The following ANKDD1B variants were observed in gnomAD, a reference collection of about 807,000 sequenced individuals.
ANKDD1B encodes the protein ankyrin repeat and death domain containing 1B.
In ANKDD1B, 57 loss-of-function variants were observed where a neutral mutation model predicts 59.7. The ratio of observed to expected loss-of-function variants is 0.95; its 90% CI spans 0.77 to 1.19. The LOEUF is 1.19. ANKDD1B is among the 50% of genes most tolerant of loss of function. The pLI is 0.00. For synonymous variants in ANKDD1B, 216 were observed against 239.5 expected (o/e 0.90, Z 0.91); for missense variants, 602 against 641.9 (o/e 0.94, Z 0.67).
intron 8 of ANKDD1B, 80 bp downstream of exon 8, chr5:75,653,320 C>T (rs984299496): frequency 1.1e-5 from 10 of 927,194 alleles, no homozygotes; most frequent in African/African-American, 6.5e-5. Context: ...CTTGCAGATA[C>T]GTGTAGGAGA....
Position 75,625,955 on chromosome 5 carries a change from G to A in ANKDD1B, c.600G>A (p.Glu200=). Residue 200 remains glutamate, a splice_region_variant and synonymous_variant, in exon 5 of 14, where the codon GAG becomes GAA. Coordinates refer to ENST00000601380, the MANE Select transcript of ANKDD1B (RefSeq NM_001276713.2). The part of the protein sequence containing the change: ...LHLKDLNQPD[E]KGRKPFLLAA... Reference sequence around the variant, plus strand: ...TCAAGGACCTGAACCAGCCTGATGAGGTGTGTTCACTTTGGTTGTGTAGGT... The same window carrying A: ...TCAAGGACCTGAACCAGCCTGATGAAGTGTGTTCACTTTGGTTGTGTAGGT... 1.3e-6 allele frequency: 2 copies of A among 1,533,524 alleles called. No individual in the cohort carries two copies. Among genetic ancestry groups the A allele is most frequent in the Non-Finnish European group, 1.7e-6 (2 of 1,144,572 alleles). 95.0% of individuals were successfully genotyped at this position (1,533,524 alleles called of 1,614,324 possible).
chr5:75,668,104 C>T (rs1316528698), intron 12 of ANKDD1B, among the ~76,000 whole-genome samples: 1 of 152,090 alleles, frequency 6.6e-6, no homozygotes, highest in East Asian at 1.9e-4. Flanking sequence ...CTAACTTGAC[C>T]TAAAGAGATG....
chr5:75,653,183 T>C lies in ANKDD1B; in HGVS notation c.840T>C (p.His280=), dbSNP rs559620594. The C allele has an allele frequency of 2.0e-6, 3 of 1,536,150 alleles. No homozygotes were observed. Among genetic ancestry groups the C allele is most frequent in the African/African-American group, 2.7e-5 (2 of 73,182 alleles). The change falls in exon 8 of 14, where the codon CAT becomes CAC. Residue 280 remains histidine, a synonymous_variant. Transcript: ENST00000601380. ...TGCAGATAGCAACCAGGAACGGCCA[T>C]GCATCCCTTGTCAACTTTCTTCTCA... ...SSLQIATRNG[H]ASLVNFLLSE...
chr5:75,629,007 G>C (rs1774070660), intron 5 of ANKDD1B, among the ~76,000 whole-genome samples: 1 of 152,122 alleles, frequency 6.6e-6, no homozygotes, highest in African/African-American at 2.4e-5. Context: ...ATGTTGGGTT[G>C]GTTTCAGCTA....
intron 6 of ANKDD1B, 60 bp from the exon 7 acceptor site, chr5:75,635,724 A>G: frequency 9.0e-7 from 1 of 1,114,260 alleles, no homozygotes; most frequent in Admixed American, 2.1e-5. Context: ...AGCCCTTACT[A>G]TTGAAGGAGC....
chr5:75,661,258 A>G (rs530250266), intron 10 of ANKDD1B, among the ~76,000 whole-genome samples: 473 of 151,900 alleles, frequency 3.1e-3, no homozygotes, highest in African/African-American at 0.011. Flanking sequence ...TCAGCCGGGC[A>G]TGGTGATGCG....
intron 5 of ANKDD1B, among the ~76,000 whole-genome samples, chr5:75,629,368 A>G (rs1455933031): frequency 6.6e-6 from 1 of 151,910 alleles, no homozygotes; most frequent in East Asian, 1.9e-4. Flanking sequence ...GTGATGGGAA[A>G]TGTTGTAGGC....
At chr5:75,636,853 T>C (rs1023718952) in intron 7 of ANKDD1B, among the ~76,000 whole-genome samples, 1 of 151,602 alleles carries the variant, frequency 6.6e-6, no homozygotes, top group Non-Finnish European at 1.5e-5. Context: ...GGGAGTACAG[T>C]GGGGGAGCAG....
chr5:75,652,350 T>C (rs1161320748), intron 7 of ANKDD1B, among the ~76,000 whole-genome samples: 2 of 152,186 alleles, frequency 1.3e-5, no homozygotes, highest in Non-Finnish European at 2.9e-5. Context: ...GGGAGACACT[T>C]AGAAAAAAAC....
chr5:75,630,335 T>C (rs1292282893), intron 5 of ANKDD1B, among the ~76,000 whole-genome samples: 6 of 152,268 alleles, frequency 3.9e-5, no homozygotes, highest in African/African-American at 1.4e-4. Context: ...TAATCTCATC[T>C]TTATGCTACC....
intron 1 of ANKDD1B, among the ~76,000 whole-genome samples, chr5:75,615,892 C>G (rs1773704708): frequency 1.3e-5 from 2 of 152,038 alleles, no homozygotes; most frequent in Non-Finnish European, 2.9e-5. Flanking sequence ...ACAATATTTC[C>G]CAAGAAGATA....
chr5:75,635,061 G>T, intron 6 of ANKDD1B, 65 bp downstream of exon 6: 1 of 1,030,644 alleles, frequency 9.7e-7, no homozygotes, highest in Non-Finnish European at 1.4e-6. Flanking sequence ...GATGTAGAGG[G>T]GTAACAATTG....
chr5:75,659,743 A>G (rs1386076246), intron 10 of ANKDD1B, among the ~76,000 whole-genome samples: 37 of 152,184 alleles, frequency 2.4e-4, no homozygotes, highest in Admixed American at 2.4e-3. Flanking sequence ...ATTATTATAA[A>G]TTATTTCTGT....
At chr5:75,612,312 G>GCCCCCGCCCC (rs1165938491) in intron 1 of ANKDD1B, among the ~76,000 whole-genome samples, 1 of 59,786 alleles carries the variant, frequency 1.7e-5, no homozygotes, top group African/African-American at 1.1e-4. Flanking sequence ...ATTTAAGTCT[G>GCCCCCGCCCC]CCCCCGCCCC....
At position 75,642,405 on chromosome 5, in the gene ANKDD1B, C is replaced by T. The variant is rs1016366913; in HGVS notation, c.798+6523C>T. ...GTGTGTGCGCGCACCGTGCGCGAGC[C>T]GAAGCAGGGCGAGGCATTGCCTCAC... is the stretch of plus-strand genomic sequence containing the variant. On this transcript the variant is annotated intron_variant, in intron 7 of 13. Coordinates refer to ENST00000601380, the MANE Select transcript of ANKDD1B (RefSeq NM_001276713.2). Among the ~76,000 whole-genome samples the T allele has an allele frequency of 1.4e-4, 21 of 148,542 alleles. No individual in the cohort carries two copies. In the East Asian group the frequency reaches 3.6e-3, roughly 25 times the overall value.
chr5:75,611,652 C>A lies in ANKDD1B; in HGVS notation c.18C>A (p.Arg6=). MDPAG[R]ARGQGATAGG... ...AGGAGACTATGGACCCCGCCGGGCG[C>A]GCCCGGGGCCAAGGGGCCACGGCAG... Residue 6 remains arginine, a synonymous_variant, in exon 1 of 14, where the codon CGC becomes CGA. Coordinates refer to ENST00000601380, the MANE Select transcript of ANKDD1B (RefSeq NM_001276713.2). 1 of 1,231,348 alleles carries A rather than the reference C, an allele frequency of 8.1e-7. No homozygotes were observed. Among genetic ancestry groups the A allele is most frequent in the Non-Finnish European group, 1.0e-6 (1 of 987,802 alleles). The allele number at this position is 1,231,348 out of a possible 1,614,324, so 76.3% of individuals were successfully genotyped here.
intron 2 of ANKDD1B, among the ~76,000 whole-genome samples, chr5:75,619,364 T>C (rs777000648): frequency 2.0e-5 from 3 of 152,248 alleles, no homozygotes; most frequent in East Asian, 1.9e-4. Context: ...AAAACAATTA[T>C]ATAATCCTCA....
At chr5:75,628,142 C>G (rs1774041535) in intron 5 of ANKDD1B, among the ~76,000 whole-genome samples, 2 of 152,102 alleles carry the variant, frequency 1.3e-5, no homozygotes, top group African/African-American at 4.8e-5. Context: ...AAAAAATCTA[C>G]TTTTTTTCTA....
chr5:75,637,173 A>G (rs1351425770), intron 7 of ANKDD1B, among the ~76,000 whole-genome samples: 2 of 136,654 alleles, frequency 1.5e-5, no homozygotes, highest in Admixed American at 7.9e-5. Context: ...TGAACCCGGG[A>G]GGCAGAGGTT....
Sources: allele counts gnomAD v4.1 joint callset (sites outside exome capture counted in the v4.1 genomes callset), GRCh38; gene constraint gnomAD v4.1.1; transcripts MANE v1.5; gene names NCBI Gene and HGNC (gene_info 2026-07-23, HGNC 2026-07-21).